Variants in EIPR1 observed in about 807,000 individuals in gnomAD.
The protein encoded by EIPR1 is EARP complex and GARP complex interacting protein 1.
EIPR1 carries 25 observed loss-of-function variants against 48.1 expected under a neutral mutation model. The ratio of observed to expected loss-of-function variants is 0.52; its 90% confidence interval spans 0.38 to 0.73. EIPR1 has a LOEUF of 0.73. EIPR1 is among the 30% of genes least tolerant of loss of function. The pLI, the probability that EIPR1 is intolerant of heterozygous loss-of-function variation, is 0.00. For synonymous variants in EIPR1, 204 were observed against 201.9 expected, an observed-to-expected ratio of 1.01 and a Z score of -0.09; for missense variants, 415 against 506.2, an observed-to-expected ratio of 0.82 and a Z score of 1.73.
At chr2:3,336,070 A>G (rs141078264) in intron 3 of EIPR1, among the ~76,000 whole-genome samples, 4 of 152,318 alleles carry the variant, frequency 2.6e-5, no homozygotes, top group Non-Finnish European at 5.9e-5. Flanking sequence ...GGGCCTCTCA[A>G]GAAGCCAAGG....
chr2:3,267,760 T>C (rs1667535039), intron 3 of EIPR1, among the ~76,000 whole-genome samples: 1 of 150,236 alleles, frequency 6.7e-6, no homozygotes, highest in South Asian at 2.1e-4. Context: ...GAGCTAAGAG[T>C]GGTTCTGCAT....
intron 3 of EIPR1, among the ~76,000 whole-genome samples, chr2:3,289,043 G>A (rs972660551): frequency 6.6e-6 from 1 of 152,250 alleles, no homozygotes; most frequent in African/African-American, 2.4e-5. Flanking sequence ...CTCACGCACT[G>A]CTCAGCTTTC....
intron 3 of EIPR1, among the ~76,000 whole-genome samples, chr2:3,314,863 G>A (rs1000467322): frequency 6.6e-6 from 1 of 151,946 alleles, no homozygotes; most frequent in South Asian, 2.1e-4. Flanking sequence ...TGTGCCCCAC[G>A]GGCTCTGCCT....
At chr2:3,272,613 G>A (rs1330114739) in intron 3 of EIPR1, among the ~76,000 whole-genome samples, 1 of 152,124 alleles carries the variant, frequency 6.6e-6, no homozygotes, top group Admixed American at 6.5e-5. Context: ...TCTTACATGG[G>A]CATGGTTCGT....
intron 3 of EIPR1, among the ~76,000 whole-genome samples, chr2:3,335,745 T>C (rs1050939415): frequency 6.6e-6 from 1 of 152,074 alleles, no homozygotes; most frequent in African/African-American, 2.4e-5. Context: ...TGTTTGAAGG[T>C]GTGTGGCTCT....
intron 3 of EIPR1, among the ~76,000 whole-genome samples, chr2:3,261,116 T>C (rs1667322208): frequency 6.6e-6 from 1 of 152,056 alleles, no homozygotes; most frequent in Non-Finnish European, 1.5e-5. Flanking sequence ...GGTGACGGTA[T>C]GTAACTGCCA....
Position 3,189,155 on chromosome 2 carries a change from C to T in EIPR1, c.*179G>A, listed in dbSNP as rs1572267527. The T allele has an allele frequency of 1.8e-6, 1 of 541,850 alleles. No homozygotes were observed. Among genetic ancestry groups the T allele is most frequent in the Non-Finnish European group, 3.0e-6 (1 of 334,838 alleles). 33.6% of individuals were successfully genotyped at this position (541,850 alleles called of 1,614,324 possible). A position where few individuals can be genotyped will look rare whatever the true frequency, so the allele number is the denominator to read the frequency against. On this transcript the variant is annotated 3_prime_UTR_variant, in exon 9 of 9. Transcript: ENST00000382125. This position sits in a 1 kb window ranked among gnomAD's most constrained non-coding sequence, Gnocchi z 4.6. Reference sequence around the variant, plus strand: ...GGGCTGGGTTCGGGCATTAGCTGTGCCGTCGACAATAGCCCCATTCACCCC... The same window carrying T: ...GGGCTGGGTTCGGGCATTAGCTGTGTCGTCGACAATAGCCCCATTCACCCC...
intron 1 of EIPR1, among the ~76,000 whole-genome samples, chr2:3,357,836 T>A (rs116582719): frequency 2.0e-5 from 3 of 152,192 alleles, no homozygotes; most frequent in African/African-American, 7.2e-5. Context: ...CCAAGGAATG[T>A]GGGTGCCTCT....
intron 4 of EIPR1, among the ~76,000 whole-genome samples, chr2:3,246,401 C>T (rs1666794964): frequency 6.6e-6 from 1 of 152,208 alleles, no homozygotes; most frequent in Admixed American, 6.5e-5. Flanking sequence ...CGGAGCCACA[C>T]ACACTGCTTT....
chr2:3,285,943 A>G (rs1311727153), intron 3 of EIPR1, among the ~76,000 whole-genome samples: 1 of 151,690 alleles, frequency 6.6e-6, no homozygotes, highest in Non-Finnish European at 1.5e-5. Context: ...GGACCCTCGC[A>G]CGGAGCAGAA....
intron 3 of EIPR1, among the ~76,000 whole-genome samples, chr2:3,299,642 A>G (rs537721633): frequency 6.6e-6 from 1 of 151,776 alleles, no homozygotes; most frequent in Admixed American, 6.6e-5. Flanking sequence ...ACACACACAC[A>G]CACACACACA....
At chr2:3,370,938 A>G (rs1671099397) in intron 1 of EIPR1, among the ~76,000 whole-genome samples, 1 of 152,210 alleles carries the variant, frequency 6.6e-6, no homozygotes, top group Admixed American at 6.5e-5. Context: ...CATAATTGTC[A>G]GATTCACCAA....
chr2:3,257,750 T>C (rs1572364402), intron 3 of EIPR1, among the ~76,000 whole-genome samples: 1 of 152,194 alleles, frequency 6.6e-6, no homozygotes, highest in African/African-American at 2.4e-5. Context: ...TCCGTTCTTC[T>C]TCAATAGTTC....
At chr2:3,248,747 G>A (rs1666917715) in intron 4 of EIPR1, among the ~76,000 whole-genome samples, 1 of 152,162 alleles carries the variant, frequency 6.6e-6, no homozygotes, top group Non-Finnish European at 1.5e-5. Flanking sequence ...CTCCAGACTG[G>A]GCGACAAAGT....
chr2:3,284,824 CAG>C (rs1382357322), intron 3 of EIPR1, among the ~76,000 whole-genome samples: 1 of 152,024 alleles, frequency 6.6e-6, no homozygotes, highest in African/African-American at 2.4e-5. Context: ...CCGCCAGCAG[CAG>C]AGTCAGAGGA....
intron 3 of EIPR1, among the ~76,000 whole-genome samples, chr2:3,262,390 C>G (rs778505885): frequency 6.6e-6 from 1 of 152,200 alleles, no homozygotes; most frequent in East Asian, 1.9e-4. Flanking sequence ...CCAGGACCTG[C>G]TACTTCTGCT....
chr2:3,265,411 G>A (rs1667456670), intron 3 of EIPR1, among the ~76,000 whole-genome samples: 1 of 152,208 alleles, frequency 6.6e-6, no homozygotes, highest in Non-Finnish European at 1.5e-5. Flanking sequence ...AAACTCTGAG[G>A]ATTTCTGTAG....
At chr2:3,260,940 G>T (rs191689185) in intron 3 of EIPR1, among the ~76,000 whole-genome samples, 1 of 152,212 alleles carries the variant, frequency 6.6e-6, no homozygotes, top group African/African-American at 2.4e-5. Context: ...GTGTAAAACA[G>T]TACACACATT....
At chr2:3,238,493 C>T (rs1666488207) in intron 4 of EIPR1, among the ~76,000 whole-genome samples, 1 of 152,198 alleles carries the variant, frequency 6.6e-6, no homozygotes, top group East Asian at 1.9e-4. Flanking sequence ...AAGTGGGGGA[C>T]CTTCCTCACA....
Sources: gnomAD v4.1 joint callset for allele counts (sites outside exome capture counted in the v4.1 genomes callset) on GRCh38, gnomAD v4.1.1 for gene constraint, Gnocchi (gnomAD v3.1) non-coding constraint, MANE v1.5 for transcripts, NCBI Gene and HGNC (gene_info 2026-07-23, HGNC 2026-07-21) for gene names.